The following TTF2 variants were observed in gnomAD, a reference collection of about 807,000 sequenced individuals.
TTF2 encodes the protein transcription termination factor 2.
TTF2 carries 108 observed loss-of-function variants against 142.4 expected under a neutral mutation model. The observed-to-expected ratio is 0.76, with a 90% CI of 0.65 to 0.89. The LOEUF (loss-of-function observed/expected upper bound fraction) is 0.89, where lower values mean the gene tolerates loss of function less well. Ranked by LOEUF, TTF2 falls within the 40% of genes least tolerant of loss-of-function variation. TTF2 has a pLI of 0.00. For missense variants in TTF2, 1,327 were observed against 1,379.8 expected (o/e 0.96, Z 0.61); for synonymous variants, 483 against 506.2 (o/e 0.95, Z 0.61).
rs1649806994 is a variant in TTF2, at chr1:117,104,444, C to T, written c.*2920C>T. 1.3e-5 allele frequency: 2 copies of T among 152,220 alleles called. No individual in the cohort carries two copies. Among genetic ancestry groups the T allele is most frequent in the African/African-American group, 4.8e-5 (2 of 41,444 alleles). 9.4% of individuals were successfully genotyped at this position (152,220 alleles called of 1,614,324 possible). On this transcript the variant is annotated 3_prime_UTR_variant, in exon 23 of 23. Transcript: ENST00000369466. ...ATTCTTTCAGGTTCAAGCATTCTGGCTTTTAGTTTGGAGAGGGATGCAGGG... is the reference window on the plus strand; with the variant it reads ...ATTCTTTCAGGTTCAAGCATTCTGGTTTTTAGTTTGGAGAGGGATGCAGGG...
Position 117,063,319 on chromosome 1 carries a change from T to G in TTF2, c.218+846T>G, listed in dbSNP as rs1005054353. 6.6e-6 allele frequency among the ~76,000 whole-genome samples: 1 copy of G among 152,210 alleles called. No individual in the cohort carries two copies. The highest frequency in any genetic ancestry group is 2.4e-5 in the African/African-American group (1 of 41,446). ...ACCAGTTGAGTTTTGAGAATGCATG[T>G]ACCTGCTCATAAAACCAAGATCCGA... is the stretch of plus-strand genomic sequence containing the variant. On this transcript the variant is annotated intron_variant, in intron 3 of 22. Transcript: ENST00000369466. This position sits in a 1 kb window ranked among gnomAD's most constrained non-coding sequence, Gnocchi z 4.1.
rs1250492896 is a variant in TTF2, at chr1:117,090,845, T to C, written c.2588+222T>C. 3.3e-5 allele frequency among the ~76,000 whole-genome samples: 5 copies of C among 152,172 alleles called. No individual in the cohort carries two copies. Among genetic ancestry groups the C allele is most frequent in the African/African-American group, 1.2e-4 (5 of 41,414 alleles). ...GGCAAAATTTTGAACCTACTCTTCATTGGCTTCCTTGCATAGAAGTCATAG... is the reference window on the plus strand; with the variant it reads ...GGCAAAATTTTGAACCTACTCTTCACTGGCTTCCTTGCATAGAAGTCATAG... On this transcript the variant is annotated intron_variant, in intron 15 of 22. Transcript: ENST00000369466. The surrounding 1 kb of genome is among the most constrained non-coding windows in gnomAD (Gnocchi z 4.8).
chr1:117,064,350 A>AG (rs1553192994), intron 3 of TTF2, among the ~76,000 whole-genome samples: 2 of 150,644 alleles, frequency 1.3e-5, no homozygotes, highest in East Asian at 3.9e-4. Context: ...ACAAAAAAAA[A>AG]TTAGCTGGGC....
At chr1:117,066,629 A>C (rs2101316652) in intron 3 of TTF2, among the ~76,000 whole-genome samples, 1 of 151,934 alleles carries the variant, frequency 6.6e-6, no homozygotes, top group Non-Finnish European at 1.5e-5. Context: ...AGGACAAGGA[A>C]GAAAGGTAAT....
chr1:117,094,649 A>C (rs1488604841), intron 18 of TTF2: 1 of 484,604 alleles, frequency 2.1e-6, no homozygotes. Context: ...AAACATTAGG[A>C]GAGTATCTTC....
chr1:117,096,025 G>A, intron 19 of TTF2, 124 bp from the exon 20 acceptor site: 1 of 1,025,988 alleles, frequency 9.7e-7, no homozygotes, highest in Non-Finnish European at 1.4e-6. Flanking sequence ...CCCTTAGGTA[G>A]CAGAAGGCCT....
intron 2 of TTF2, among the ~76,000 whole-genome samples, chr1:117,061,103 C>G (rs535402836): frequency 6.6e-6 from 1 of 152,270 alleles, no homozygotes; most frequent in Non-Finnish European, 1.5e-5. Flanking sequence ...GAAGAAACAA[C>G]GGAGGGCCTG....
At chr1:117,096,030 AGGCCT>A (rs780633290) in intron 19 of TTF2, 114 bp from the exon 20 acceptor site, 1 of 1,093,746 alleles carries the variant, frequency 9.1e-7, no homozygotes, top group Non-Finnish European at 1.3e-6. Flanking sequence ...AGGTAGCAGA[AGGCCT>A]TTCCTTGTCA....
chr1:117,089,622 A>C (rs1040740431), intron 13 of TTF2, among the ~76,000 whole-genome samples: 1 of 151,986 alleles, frequency 6.6e-6, no homozygotes, highest in Non-Finnish European at 1.5e-5. Context: ...CCAGGAGTTC[A>C]AGGCTGCAGT....
Position 117,079,764 on chromosome 1 carries a change from C to T in TTF2, c.1783+115C>T. The T allele has an allele frequency of 1.0e-6, 1 of 964,534 alleles. No homozygotes were observed. The highest frequency in any genetic ancestry group is 1.6e-6 in the Non-Finnish European group (1 of 621,188). The allele number at this position is 964,534 out of a possible 1,614,324, so 59.7% of individuals were successfully genotyped here. A position where few individuals can be genotyped will look rare whatever the true frequency, so the allele number is the denominator to read the frequency against. The stretch of plus-strand genomic sequence containing the variant: ...ACTCTATGAGGCAGGTACTATTATT[C>T]CTCATTTTACAGATGATGAAAGTGA... On this transcript the variant is annotated intron_variant, in intron 9 of 22. Coordinates refer to ENST00000369466, the MANE Select transcript of TTF2 (RefSeq NM_003594.4). The surrounding 1 kb of genome is among the most constrained non-coding windows in gnomAD (Gnocchi z 4.2).
chr1:117,078,069 A>G (rs1181376887), intron 8 of TTF2, 26 bp downstream of exon 8: 2 of 1,612,380 alleles, frequency 1.2e-6, no homozygotes. Flanking sequence ...CTCCTGGTGT[A>G]GTCCTCTATG....
intron 15 of TTF2, 43 bp from the exon 16 acceptor site, chr1:117,091,285 T>C (rs771160927): frequency 1.9e-6 from 3 of 1,549,250 alleles, no homozygotes; most frequent in Non-Finnish European, 2.6e-6. Context: ...CAGGTCTTAG[T>C]GACCATTATA....
chr1:117,070,993 G>C lies in TTF2; in HGVS notation c.219-2668G>C, dbSNP rs1048199775. ...GGACTAATTTAGGAAGTTAGAAAAA[G>C]AACAATAAATTAAACTGAAGGAAAG... is the stretch of plus-strand genomic sequence containing the variant. On this transcript the variant is annotated intron_variant, in intron 3 of 22. Coordinates refer to ENST00000369466, the MANE Select transcript of TTF2 (RefSeq NM_003594.4). This position sits in a 1 kb window ranked among gnomAD's most constrained non-coding sequence, Gnocchi z 4.2. Among the ~76,000 whole-genome samples the C allele has an allele frequency of 6.6e-6, 1 of 152,048 alleles. No homozygotes were observed. The highest frequency in any genetic ancestry group is 2.4e-5 in the African/African-American group (1 of 41,406).
rs1410534034 is a variant in TTF2, at chr1:117,085,544, T to C, written c.2055-873T>C. ...CTCCAGTCTGGATGACCAGGGTAGGTTACTCACCTATTATTATCATTTCTG... is the reference window on the plus strand; with the variant it reads ...CTCCAGTCTGGATGACCAGGGTAGGCTACTCACCTATTATTATCATTTCTG... On this transcript the variant is annotated intron_variant, in intron 11 of 22. Transcript: ENST00000369466. This position sits in a 1 kb window ranked among gnomAD's most constrained non-coding sequence, Gnocchi z 4.7. 6.6e-6 allele frequency among the ~76,000 whole-genome samples: 1 copy of C among 152,152 alleles called. No homozygotes were observed. Among genetic ancestry groups the C allele is most frequent in the Admixed American group, 6.5e-5 (1 of 15,274 alleles).
chr1:117,066,690 C>T (rs1384320956), intron 3 of TTF2, among the ~76,000 whole-genome samples: 8 of 133,568 alleles, frequency 6.0e-5, no homozygotes, highest in Non-Finnish European at 1.1e-4. Flanking sequence ...TTGGACTAAT[C>T]ATGTCTTTTT....
chr1:117,069,412 ATGAC>A (rs1557803336), intron 3 of TTF2, among the ~76,000 whole-genome samples: 1 of 152,250 alleles, frequency 6.6e-6, no homozygotes, highest in African/African-American at 2.4e-5. Flanking sequence ...TTGTCCTTGA[ATGAC>A]CTTGACAATT....
At chr1:117,096,498 C>T (rs529723800) in intron 20 of TTF2, among the ~76,000 whole-genome samples, 199 bp downstream of exon 20, 1 of 152,320 alleles carries the variant, frequency 6.6e-6, no homozygotes, top group African/African-American at 2.4e-5. Context: ...CTGCCTCAGC[C>T]TTTCAAGTAG....
Position 117,090,296 on chromosome 1 carries a change from C to T in TTF2, c.2496+88C>T, listed in dbSNP as rs972467175. 3.3e-6 allele frequency: 5 copies of T among 1,520,488 alleles called. No homozygotes were observed. In the Admixed American group the frequency reaches 1.0e-4, roughly 32 times the overall value. 94.2% of individuals were successfully genotyped at this position (1,520,488 alleles called of 1,614,324 possible). On this transcript the variant is annotated intron_variant, in intron 14 of 22. Coordinates refer to ENST00000369466, the MANE Select transcript of TTF2 (RefSeq NM_003594.4). The surrounding 1 kb of genome is among the most constrained non-coding windows in gnomAD (Gnocchi z 4.8). ...TTGGGTTGAACAGCCATCTGCTTTG[C>T]TTCAGGAGCCTCTGAGTTTCCCATC... is the stretch of plus-strand genomic sequence containing the variant.
chr1:117,092,883 C>T lies in TTF2; in HGVS notation c.2958C>T (p.Gly986=), dbSNP rs1648732832. ...GTFFKMELFE[G]MRESTKISSL... ...TCTTCAAGATGGAGCTTTTTGAAGG[C>T]ATGCGAGAGAGCACCAAGGTACTTT... Residue 986 remains glycine, a synonymous_variant, in exon 18 of 23, where the codon GGC becomes GGT. Transcript: ENST00000369466. This position sits in a 1 kb window ranked among gnomAD's most constrained non-coding sequence, Gnocchi z 4.4. 2 of 1,614,068 alleles carry T rather than the reference C, an allele frequency of 1.2e-6. No individual in the cohort carries two copies. The highest frequency in any genetic ancestry group is 2.7e-5 in the African/African-American group (2 of 74,918).
Sources: gnomAD v4.1 joint callset for allele counts (sites outside exome capture counted in the v4.1 genomes callset) on GRCh38, gnomAD v4.1.1 for gene constraint, Gnocchi (gnomAD v3.1) non-coding constraint, MANE v1.5 for transcripts, NCBI Gene and HGNC (gene_info 2026-07-23, HGNC 2026-07-21) for gene names.